The following PCLO variants were observed in gnomAD, a reference collection of about 807,000 sequenced individuals.
PCLO encodes the protein protein piccolo.
A neutral mutation model predicts 427.5 loss-of-function variants in PCLO; 82 were observed. The ratio of observed to expected loss-of-function variants is 0.19; its 90% CI spans 0.16 to 0.23. PCLO has a LOEUF of 0.23. Among genes scored for constraint, PCLO ranks in the 10% least tolerant of loss-of-function variants. PCLO has a pLI of 1.00. For missense variants in PCLO, 6,239 were observed against 6,115.9 expected (o/e 1.02, Z -0.67); for synonymous variants, 2,357 against 2,155.4 (o/e 1.09, Z -2.59).
At position 82,955,144 on chromosome 7, in the gene PCLO, G is replaced by A. The variant is rs1030090337; in HGVS notation, c.5809C>T (p.Arg1937Ter). 1 of 1,613,592 alleles carries A rather than the reference G, an allele frequency of 6.2e-7. No homozygotes were observed. The highest frequency in any genetic ancestry group is 8.5e-7 in the Non-Finnish European group (1 of 1,179,790). The part of the protein sequence containing the change: ...KYKAFPAANE[R>*]DEVFEKEPLY... ...GGCTCTTTTTCAAACACTTCATCTC[G>A]TTCATTTGCAGCTGGAAAAGCTTTG... The change falls in exon 5 of 25, where the codon CGA becomes TGA. Residue 1937 changes from arginine (R) to a stop codon, truncating the protein, a stop_gained. Coordinates refer to ENST00000333891, the MANE Select transcript of PCLO (RefSeq NM_033026.6). LOFTEE classifies it high-confidence loss of function.
intron 3 of PCLO, among the ~76,000 whole-genome samples, chr7:83,087,278 T>G (rs1266882539): frequency 6.6e-6 from 1 of 151,504 alleles, no homozygotes; most frequent in East Asian, 1.9e-4. Flanking sequence ...CAGAGTGGTA[T>G]GATGGACATT....
chr7:82,977,456 C>T (rs1226749098), intron 3 of PCLO, among the ~76,000 whole-genome samples: 1 of 149,056 alleles, frequency 6.7e-6, no homozygotes, highest in East Asian at 2.0e-4. Context: ...TCTTATTGCC[C>T]AGGCTGGGGT....
chr7:82,952,621 G>A lies in PCLO; in HGVS notation c.8332C>T (p.Leu2778Phe), dbSNP rs780195701. The change falls in exon 5 of 25, where the codon CTT becomes TTT. Residue 2778 changes from leucine to phenylalanine, a missense_variant. Leu to Phe is a conservative substitution (Grantham distance 22, BLOSUM62 0). Coordinates refer to ENST00000333891, the MANE Select transcript of PCLO (RefSeq NM_033026.6). ...GTCACTATTGATGATGTCACACTAA[G>A]ATTTATAATAGAGGGTTGGACAGCA... ...ISAVQPSIINLSVTSSIVTPV... is the reference protein window; with the variant it reads ...ISAVQPSIINFSVTSSIVTPV... 10 of 1,613,800 alleles carry A rather than the reference G, an allele frequency of 6.2e-6. No homozygotes were observed. The highest frequency in any genetic ancestry group is 8.5e-6 in the Non-Finnish European group (10 of 1,179,844).
chr7:83,158,036 A>T (rs1259499843), intron 1 of PCLO, among the ~76,000 whole-genome samples: 1 of 152,230 alleles, frequency 6.6e-6, no homozygotes, highest in East Asian at 1.9e-4. Context: ...AAAGACGCAA[A>T]GAAGCATTAC....
intron 3 of PCLO, among the ~76,000 whole-genome samples, chr7:83,124,840 ACTGCAACCTCC>A (rs1791387236): frequency 6.6e-6 from 1 of 151,806 alleles, no homozygotes; most frequent in Admixed American, 6.6e-5. Flanking sequence ...ATCTCGGCTC[ACTGCAACCTCC>A]CTGCCTGATT....
At chr7:83,121,417 C>A (rs1366105408) in intron 3 of PCLO, among the ~76,000 whole-genome samples, 1 of 151,774 alleles carries the variant, frequency 6.6e-6, no homozygotes, top group Non-Finnish European at 1.5e-5. Flanking sequence ...TTAAAACATA[C>A]CACCAGAAAA....
chr7:82,976,041 T>A (rs1796009681), intron 3 of PCLO, among the ~76,000 whole-genome samples: 1 of 152,178 alleles, frequency 6.6e-6, no homozygotes, highest in South Asian at 2.1e-4. Flanking sequence ...ATACAGTTTA[T>A]CACAGGAAAT....
intron 7 of PCLO, among the ~76,000 whole-genome samples, chr7:82,912,077 A>G (rs1486048917): frequency 6.6e-6 from 1 of 152,168 alleles, no homozygotes; most frequent in East Asian, 1.9e-4. Context: ...ATACAGTTTA[A>G]TTGAATTTGG....
chr7:82,953,630 T>C lies in PCLO; in HGVS notation c.7323A>G (p.Lys2441=). 6.2e-7 allele frequency: 1 copy of C among 1,607,492 alleles called. No individual in the cohort carries two copies. The highest frequency in any genetic ancestry group is 1.7e-5 in the Admixed American group (1 of 59,062). Residue 2441 remains lysine, a synonymous_variant, in exon 5 of 25, where the codon AAA becomes AAG. Transcript: ENST00000333891. ...TCACTGGAGATGCAACTGTTAACTT[T>C]TTTTTAGGAAGAATAGTTGGTTTAG... is the stretch of plus-strand genomic sequence containing the variant. ...TSPKPTILPK[K]KLTVASPVTT... is the part of the protein sequence containing the mutation.
chr7:83,112,497 T>C (rs1316365477), intron 3 of PCLO, among the ~76,000 whole-genome samples: 2 of 152,206 alleles, frequency 1.3e-5, no homozygotes, highest in Non-Finnish European at 2.9e-5. Flanking sequence ...ATAACTCATG[T>C]AAATGTCAAG....
chr7:82,849,743 T>G (rs181797830), intron 10 of PCLO, among the ~76,000 whole-genome samples: 68 of 152,268 alleles, frequency 4.5e-4, no homozygotes, highest in Non-Finnish European at 7.9e-4. Context: ...AAAATTATTA[T>G]GATCTGTGGA....
intron 9 of PCLO, among the ~76,000 whole-genome samples, chr7:82,892,375 T>G (rs1259059384): frequency 6.6e-6 from 1 of 152,144 alleles, no homozygotes; most frequent in African/African-American, 2.4e-5. Flanking sequence ...GCTAGCCATA[T>G]GTAGAAAGCT....
At chr7:82,763,661 A>AT (rs774447891) in intron 22 of PCLO, among the ~76,000 whole-genome samples, 35 of 152,118 alleles carry the variant, frequency 2.3e-4, no homozygotes, top group Non-Finnish European at 4.3e-4. Flanking sequence ...AAAAATATCT[A>AT]TAACATATCT....
chr7:83,141,058 A>T (rs1002234462), intron 2 of PCLO, among the ~76,000 whole-genome samples: 1 of 152,220 alleles, frequency 6.6e-6, no homozygotes, highest in Non-Finnish European at 1.5e-5. Flanking sequence ...CTCTGCAGCC[A>T]TGCCTGATTC....
intron 3 of PCLO, among the ~76,000 whole-genome samples, chr7:83,038,045 A>ATATATATTTATT (rs1788861867): frequency 2.8e-5 from 1 of 35,204 alleles, no homozygotes; most frequent in Non-Finnish European, 4.3e-5. Context: ...ATATTTATAT[A>ATATATATTTATT]TATATCTTTA....
chr7:82,953,609 T>C lies in PCLO; in HGVS notation c.7344A>G (p.Pro2448=). 1 of 1,611,920 alleles carries C rather than the reference T, an allele frequency of 6.2e-7. No individual in the cohort carries two copies. The highest frequency in any genetic ancestry group is 1.3e-5 in the African/African-American group (1 of 74,476). Residue 2448 remains proline, a synonymous_variant, in exon 5 of 25, where the codon CCA becomes CCG. Coordinates refer to ENST00000333891, the MANE Select transcript of PCLO (RefSeq NM_033026.6). ...CAAACAGAGGTGTAGCTGTAGTCAC[T>C]GGAGATGCAACTGTTAACTTTTTTT... ...LPKKKLTVAS[P]VTTATPLFDA...
At chr7:82,852,947 A>G (rs1792702240) in intron 10 of PCLO, among the ~76,000 whole-genome samples, 1 of 152,092 alleles carries the variant, frequency 6.6e-6, no homozygotes, top group African/African-American at 2.4e-5. Flanking sequence ...TTTAGCTCCT[A>G]CATATGGAGT....
At position 82,915,403 on chromosome 7, in the gene PCLO, G is replaced by A; in HGVS notation, c.12583C>T (p.Leu4195=). The A allele has an allele frequency of 6.2e-7, 1 of 1,613,604 alleles. No individual in the cohort carries two copies. The highest frequency in any genetic ancestry group is 8.5e-7 in the Non-Finnish European group (1 of 1,179,704). Residue 4195 remains leucine (L), a synonymous_variant, in exon 7 of 25, where the codon CTA becomes TTA. Coordinates refer to ENST00000333891, the MANE Select transcript of PCLO (RefSeq NM_033026.6). ...AATTTTGACATTTTAGGGTCAATTA[G>A]TGATTTCTTATGCTTTGACTGCTTT... The part of the protein sequence containing the change: ...YQKQSKHKKS[L]IDPKMSKFSP...
At chr7:82,782,926 C>G (rs1054866242) in intron 22 of PCLO, among the ~76,000 whole-genome samples, 2 of 152,200 alleles carry the variant, frequency 1.3e-5, no homozygotes, top group Non-Finnish European at 2.9e-5. Flanking sequence ...CTGGAAACCA[C>G]CATACTCAAT....
Sources: gnomAD v4.1 joint callset for allele counts (sites outside exome capture counted in the v4.1 genomes callset) on GRCh38, gnomAD v4.1.1 for gene constraint, MANE v1.5 for transcripts, NCBI Gene and HGNC (gene_info 2026-07-23, HGNC 2026-07-21) for gene names.